Variants in XPO7 observed in about 807,000 individuals in gnomAD.
XPO7 encodes exportin-7.
XPO7 carries 21 observed loss-of-function variants against 144.3 expected under a neutral mutation model. The ratio of observed to expected loss-of-function variants is 0.15; its 90% CI spans 0.10 to 0.21. The LOEUF (loss-of-function observed/expected upper bound fraction) is 0.21, where lower values mean the gene tolerates loss of function less well. XPO7 is among the 10% of genes least tolerant of loss of function. XPO7 has a pLI of 1.00. For synonymous variants in XPO7, 580 were observed against 499.6 expected, an observed-to-expected ratio of 1.16 and a Z score of -2.15; for missense variants, 808 against 1,325.8, an observed-to-expected ratio of 0.61 and a Z score of 6.06.
chr8:21,950,429 G>GT (rs1363529578), intron 1 of XPO7, among the ~76,000 whole-genome samples: 2 of 152,188 alleles, frequency 1.3e-5, no homozygotes, highest in African/African-American at 4.8e-5. Flanking sequence ...GAGAACAAAA[G>GT]TGAGAATTAT....
chr8:21,970,078 T>A (rs1340574454), intron 3 of XPO7, 66 bp from the exon 4 acceptor site: 1 of 1,545,714 alleles, frequency 6.5e-7, no homozygotes, highest in Non-Finnish European at 8.7e-7. Flanking sequence ...TCTAAAGATA[T>A]ACACCCTTCT....
chr8:21,997,856 A>G (rs1286917849), intron 21 of XPO7, among the ~76,000 whole-genome samples: 1 of 152,096 alleles, frequency 6.6e-6, no homozygotes, highest in East Asian at 1.9e-4. Context: ...GGGGGGAGGA[A>G]GGAGGAAGGA....
chr8:21,938,419 A>G (rs962563345), intron 1 of XPO7, among the ~76,000 whole-genome samples: 5 of 152,202 alleles, frequency 3.3e-5, no homozygotes, highest in Admixed American at 3.3e-4. Context: ...AAGAAACCCT[A>G]TACCCGATAA....
At chr8:21,969,276 C>T (rs1811977023) in intron 2 of XPO7, among the ~76,000 whole-genome samples, 1 of 151,516 alleles carries the variant, frequency 6.6e-6, no homozygotes, top group African/African-American at 2.4e-5. Flanking sequence ...CTTTATCTTC[C>T]CCGTTGTTCA....
chr8:22,005,276 C>T lies in XPO7; in HGVS notation c.*188C>T, dbSNP rs115459000. 6.3e-4 allele frequency: 245 copies of T among 389,162 alleles called. No individual in the cohort carries two copies. Among genetic ancestry groups the T allele is most frequent in the African/African-American group, 4.4e-3 (212 of 48,246 alleles). 24.1% of individuals were successfully genotyped at this position (389,162 alleles called of 1,614,324 possible). ...TGAGTACACTCACTAGGGGGCAGGGCGCTGCTGGTTCCTGGGGGACTGGGT... is the reference window on the plus strand; with the variant it reads ...TGAGTACACTCACTAGGGGGCAGGGTGCTGCTGGTTCCTGGGGGACTGGGT... On this transcript the variant is annotated 3_prime_UTR_variant, in exon 28 of 28. Coordinates refer to ENST00000252512, the MANE Select transcript of XPO7 (RefSeq NM_015024.5).
intron 1 of XPO7, among the ~76,000 whole-genome samples, chr8:21,921,908 C>G (rs1030805330): frequency 6.6e-6 from 1 of 152,136 alleles, no homozygotes; most frequent in Non-Finnish European, 1.5e-5. Context: ...GTATTGGGCA[C>G]TCACAGATGT....
rs1009955531 is a variant in XPO7 at position 21,990,359 on chromosome 8, G to A, written c.1884G>A (p.Arg628=). ...TTGTCTTCACGTACAGTAGCGTAAGGAAGCTAGTGAAGCTTAGTGCGGTAC... is the reference window on the plus strand; with the variant it reads ...TTGTCTTCACGTACAGTAGCGTAAGAAAGCTAGTGAAGCTTAGTGCGGTAC... The part of the protein sequence containing the change: ...NDLSIGYSSV[R]KLVKLSAVQF... The change falls in exon 17 of 28, where the codon AGG becomes AGA. Residue 628 remains arginine, a synonymous_variant. Coordinates refer to ENST00000252512, the MANE Select transcript of XPO7 (RefSeq NM_015024.5). The A allele has an allele frequency of 1.2e-6, 2 of 1,613,744 alleles. No individual in the cohort carries two copies. The highest frequency in any genetic ancestry group is 1.7e-5 in the Admixed American group (1 of 60,008).
chr8:21,979,099 G>T (rs572669472), intron 8 of XPO7, among the ~76,000 whole-genome samples: 47 of 152,328 alleles, frequency 3.1e-4, no homozygotes, highest in African/African-American at 1.1e-3. Flanking sequence ...GCAGAGTTTT[G>T]ATCTTGTTGC....
intron 1 of XPO7, among the ~76,000 whole-genome samples, chr8:21,949,073 T>C (rs1811286268): frequency 6.6e-6 from 1 of 152,240 alleles, no homozygotes; most frequent in Non-Finnish European, 1.5e-5. Context: ...CTTAGTTTTC[T>C]AAAGGTTTGT....
rs368651646 is a variant in XPO7, at chr8:21,994,407, C to T, written c.2193C>T (p.Phe731=). The T allele has an allele frequency of 6.2e-7, 1 of 1,612,474 alleles. No individual in the cohort carries two copies. The highest frequency in any genetic ancestry group is 8.5e-7 in the Non-Finnish European group (1 of 1,178,800). Residue 731 remains phenylalanine, a synonymous_variant, in exon 20 of 28, where the codon TTC becomes TTT. Transcript: ENST00000252512. ...GLVRDLRGIA[F]AFNAKTSFMM... ...TAAGAGACCTGAGAGGGATCGCTTT[C>T]GCTTTCAATGCCAAGACCAGCTTCA...
At chr8:21,978,657 G>T (rs900447991) in intron 8 of XPO7, among the ~76,000 whole-genome samples, 1 of 152,198 alleles carries the variant, frequency 6.6e-6, no homozygotes, top group Non-Finnish European at 1.5e-5. Flanking sequence ...ACACCAGCAC[G>T]GGGTGGTGGT....
intron 13 of XPO7, among the ~76,000 whole-genome samples, chr8:21,986,801 T>G (rs910231755): frequency 2.0e-5 from 3 of 152,212 alleles, no homozygotes; most frequent in African/African-American, 7.2e-5. Context: ...ATCAAATGAC[T>G]CACTTATTAT....
chr8:21,981,418 A>G (rs1812406228), intron 9 of XPO7, among the ~76,000 whole-genome samples: 1 of 152,196 alleles, frequency 6.6e-6, no homozygotes, highest in Non-Finnish European at 1.5e-5. Flanking sequence ...CTTCTGCTAT[A>G]ATGAGCTTTA....
rs34592897 is a variant in XPO7 at position 21,933,096 on chromosome 8, ATTTTTTTT to A, written c.18+13323_18+13330del. Reference sequence around the variant, plus strand: ...GGAAATTTACTTCTCCTTTTGCTGGATTTTTTTTTTTTTTTTTTTTTTGAGATGGAGTC... The same window carrying A: ...GGAAATTTACTTCTCCTTTTGCTGGATTTTTTTTTTTTTTGAGATGGAGTC... On this transcript the variant is annotated intron_variant, in intron 1 of 27. Transcript: ENST00000252512. 4.5e-4 allele frequency among the ~76,000 whole-genome samples: 50 copies of A among 110,760 alleles called. No homozygotes were observed. The Admixed American group carries it at 4.7e-3, about 11-fold the overall frequency. 72.7% of individuals were successfully genotyped at this position (110,760 alleles called of 152,430 possible). A position where few individuals can be genotyped will look rare whatever the true frequency, so the allele number is the denominator to read the frequency against.
At chr8:21,995,634 G>A in intron 21 of XPO7, 35 bp downstream of exon 21, 1 of 1,500,568 alleles carries the variant, frequency 6.7e-7, no homozygotes, top group Non-Finnish European at 9.1e-7. Flanking sequence ...GGGCACATCT[G>A]CCCTGTTATC....
At position 22,003,123 on chromosome 8, in the gene XPO7, C is replaced by T. The variant is rs1049532636; in HGVS notation, c.2944-96C>T. On this transcript the variant is annotated intron_variant, in intron 25 of 27. Coordinates refer to ENST00000252512, the MANE Select transcript of XPO7 (RefSeq NM_015024.5). ...CTGATTTACCCTATACAGAAAAGGC[C>T]TTCAGCCTAATATACTCCTGTATTT... 1.4e-5 allele frequency: 12 copies of T among 860,288 alleles called. No homozygotes were observed. In the African/African-American group the frequency reaches 2.1e-4, roughly 15 times the overall value. The allele number at this position is 860,288 out of a possible 1,614,324, so 53.3% of individuals were successfully genotyped here. A position where few individuals can be genotyped will look rare whatever the true frequency, so the allele number is the denominator to read the frequency against.
intron 2 of XPO7, among the ~76,000 whole-genome samples, chr8:21,968,753 C>G (rs1811962064): frequency 6.6e-6 from 1 of 152,166 alleles, no homozygotes; most frequent in South Asian, 2.1e-4. Flanking sequence ...GAGCCTGTTC[C>G]TGTTTTATGG....
intron 1 of XPO7, among the ~76,000 whole-genome samples, chr8:21,948,899 C>A (rs1811276685): frequency 6.6e-6 from 1 of 152,176 alleles, no homozygotes; most frequent in African/African-American, 2.4e-5. Flanking sequence ...CTCCAAGGAT[C>A]CTTTAAAAAG....
intron 1 of XPO7, among the ~76,000 whole-genome samples, chr8:21,942,712 A>G (rs1313735863): frequency 6.6e-6 from 1 of 152,234 alleles, no homozygotes; most frequent in Admixed American, 6.5e-5. Flanking sequence ...ATCTGAAACC[A>G]TATCTGAACT....
Sources: allele counts gnomAD v4.1 joint callset (sites outside exome capture counted in the v4.1 genomes callset), GRCh38; gene constraint gnomAD v4.1.1; transcripts MANE v1.5; gene names NCBI Gene and HGNC (gene_info 2026-07-23, HGNC 2026-07-21).